Variants in RSBN1L observed in about 807,000 individuals in gnomAD.
RSBN1L encodes round spermatid basic protein 1 like.
In RSBN1L, 30 loss-of-function variants were observed where a neutral mutation model predicts 67.7. The ratio of observed to expected loss-of-function variants is 0.44; its 90% confidence interval spans 0.33 to 0.60. The LOEUF (loss-of-function observed/expected upper bound fraction) is 0.60. RSBN1L is among the 20% of genes least tolerant of loss of function. The pLI, the probability that RSBN1L is intolerant of heterozygous loss-of-function variation, is 0.02. For missense variants in RSBN1L, 992 were observed against 1,031.7 expected, an observed-to-expected ratio of 0.96 and a Z score of 0.53; for synonymous variants, 433 against 387.0, an observed-to-expected ratio of 1.12 and a Z score of -1.39.
In RSBN1L at chr7:77,749,438, C is replaced by G; in HGVS notation, c.718C>G (p.Pro240Ala). 1 of 1,551,158 alleles carries G rather than the reference C, an allele frequency of 6.4e-7. No individual in the cohort carries two copies. The highest frequency in any genetic ancestry group is 1.2e-5 in the South Asian group (1 of 80,764). Residue 240 changes from proline (P) to alanine (A), a missense_variant, in exon 3 of 8, where the codon CCA becomes GCA. Coordinates refer to ENST00000334955, the MANE Select transcript of RSBN1L (RefSeq NM_198467.3). ...KILLKSGKEKPKTNIEDLQIK... is the reference protein window; with the variant it reads ...KILLKSGKEKAKTNIEDLQIK... Reference sequence around the variant, plus strand: ...TTTTCCAACAGGTGGGAAGGAGAAACCAAAAACAAATATAGAAGACTTACA... The same window carrying G: ...TTTTCCAACAGGTGGGAAGGAGAAAGCAAAAACAAATATAGAAGACTTACA...
chr7:77,724,087 T>C (rs1173005260), intron 1 of RSBN1L, among the ~76,000 whole-genome samples: 1 of 152,180 alleles, frequency 6.6e-6, no homozygotes, highest in Non-Finnish European at 1.5e-5. Context: ...AGCTTATAAT[T>C]ATTTCTAATT....
Position 77,765,494 on chromosome 7 carries a change from G to T in RSBN1L, c.1345-1G>T. 6.5e-7 allele frequency: 1 copy of T among 1,539,010 alleles called. No individual in the cohort carries two copies. The highest frequency in any genetic ancestry group is 8.8e-7 in the Non-Finnish European group (1 of 1,139,046). ...TTTTAATTAAATCCATGTTTCTTCAGGTAAAAAGAACGTATTCTCATGGTA... is the reference window on the plus strand; with the variant it reads ...TTTTAATTAAATCCATGTTTCTTCATGTAAAAAGAACGTATTCTCATGGTA... On this transcript the variant is annotated splice_acceptor_variant, in intron 3 of 7. Transcript: ENST00000334955. LOFTEE classifies it high-confidence loss of function.
rs1791949334 is a variant in RSBN1L, at chr7:77,778,553, A to T, written c.1926A>T (p.Ala642=). ...LSQCVQWVDD[A]KLNQLRREGI... is the part of the protein sequence containing the mutation. ...AGTGTGTCCAATGGGTTGATGATGC[A>T]AAACTGAATCAACTGAGGAGGGAAG... is the stretch of plus-strand genomic sequence containing the variant. The change falls in exon 8 of 8, where the codon GCA becomes GCT. Residue 642 remains alanine (A), a synonymous_variant. Transcript: ENST00000334955. 1 of 1,612,826 alleles carries T rather than the reference A, an allele frequency of 6.2e-7. No individual in the cohort carries two copies. The highest frequency in any genetic ancestry group is 1.3e-5 in the African/African-American group (1 of 74,910).
At chr7:77,718,781 C>G (rs561067008) in intron 1 of RSBN1L, among the ~76,000 whole-genome samples, 1 of 152,288 alleles carries the variant, frequency 6.6e-6, no homozygotes, top group Non-Finnish European at 1.5e-5. Context: ...TTTATTATAT[C>G]AGATGATTTT....
chr7:77,765,721 T>C, intron 4 of RSBN1L, 89 bp downstream of exon 4: 1 of 993,068 alleles, frequency 1.0e-6, no homozygotes, highest in Non-Finnish European at 1.5e-6. Context: ...TGATTGTTTC[T>C]TTCATGCTAC....
At chr7:77,739,949 A>T (rs1446431764) in intron 2 of RSBN1L, among the ~76,000 whole-genome samples, 2 of 150,778 alleles carry the variant, frequency 1.3e-5, no homozygotes, top group Non-Finnish European at 3.0e-5. Flanking sequence ...ACAGGGTTTC[A>T]CCATGTTGCC....
At chr7:77,756,050 A>G (rs116255498) in intron 3 of RSBN1L, among the ~76,000 whole-genome samples, 3,046 of 152,328 alleles carry the variant, frequency 0.02, 86 homozygotes, top group African/African-American at 0.069. Flanking sequence ...GTCCAAAAGC[A>G]GTATTCAAAA....
chr7:77,745,487 A>G (rs6976144), intron 2 of RSBN1L, among the ~76,000 whole-genome samples: 88,554 of 152,158 alleles, frequency 0.58, 27,903 homozygotes, highest in African/African-American at 0.84. Context: ...ATTGACATAT[A>G]GTATACAGGT....
At chr7:77,729,787 C>CT (rs1791251594) in intron 1 of RSBN1L, among the ~76,000 whole-genome samples, 1 of 152,044 alleles carries the variant, frequency 6.6e-6, no homozygotes, top group Non-Finnish European at 1.5e-5. Context: ...GACCCTGTCT[C>CT]TACAGAAAAT....
chr7:77,721,843 T>C (rs1791124195), intron 1 of RSBN1L, among the ~76,000 whole-genome samples: 1 of 152,202 alleles, frequency 6.6e-6, no homozygotes, highest in African/African-American at 2.4e-5. Context: ...AAGCAGAAGA[T>C]AGTGACATGG....
chr7:77,748,005 G>C (rs940496931), intron 2 of RSBN1L, among the ~76,000 whole-genome samples: 1 of 151,816 alleles, frequency 6.6e-6, no homozygotes, highest in Non-Finnish European at 1.5e-5. Flanking sequence ...TTAAGGAGAG[G>C]AAATACCTTT....
At chr7:77,757,311 C>G (rs189215381) in intron 3 of RSBN1L, among the ~76,000 whole-genome samples, 4 of 152,280 alleles carry the variant, frequency 2.6e-5, no homozygotes, top group Admixed American at 2.6e-4. Flanking sequence ...TTGTATAATT[C>G]TGTTTTCCAT....
At chr7:77,767,020 C>T (rs1791774877) in intron 4 of RSBN1L, among the ~76,000 whole-genome samples, 1 of 146,834 alleles carries the variant, frequency 6.8e-6, no homozygotes, top group Non-Finnish European at 1.5e-5. Flanking sequence ...CTTTCCTTCC[C>T]CTTCCCCTTC....
intron 1 of RSBN1L, among the ~76,000 whole-genome samples, chr7:77,725,699 C>G (rs1490764623): frequency 6.6e-6 from 1 of 151,842 alleles, no homozygotes; most frequent in Non-Finnish European, 1.5e-5. Context: ...TCAAGCAGTT[C>G]TCCTGCCTCA....
chr7:77,777,961 T>C (rs1247994772), intron 6 of RSBN1L, among the ~76,000 whole-genome samples: 1 of 152,158 alleles, frequency 6.6e-6, no homozygotes, highest in Non-Finnish European at 1.5e-5. Context: ...CTTTTCCTCA[T>C]ATTTACTTCT....
intron 1 of RSBN1L, among the ~76,000 whole-genome samples, chr7:77,726,633 G>A (rs372586066): frequency 1.3e-5 from 2 of 151,876 alleles, no homozygotes; most frequent in African/African-American, 4.8e-5. Flanking sequence ...TTTTTGAGAC[G>A]GAACGTTGCT....
chr7:77,758,833 G>T (rs544128378), intron 3 of RSBN1L, among the ~76,000 whole-genome samples: 1 of 152,312 alleles, frequency 6.6e-6, no homozygotes, highest in East Asian at 1.9e-4. Flanking sequence ...TCTCTGTCAA[G>T]AAATAAATTA....
At chr7:77,752,879 T>C (rs1791571865) in intron 3 of RSBN1L, among the ~76,000 whole-genome samples, 1 of 152,202 alleles carries the variant, frequency 6.6e-6, no homozygotes, top group Non-Finnish European at 1.5e-5. Flanking sequence ...ATTTTGCTTC[T>C]TTTTGAACTT....
chr7:77,706,694 A>C (rs994034788), intron 1 of RSBN1L, among the ~76,000 whole-genome samples: 1 of 152,194 alleles, frequency 6.6e-6, no homozygotes. Context: ...ACCAGAGTAA[A>C]TACTGTAAGT....
Sources: gnomAD v4.1 joint callset for allele counts (sites outside exome capture counted in the v4.1 genomes callset) on GRCh38, gnomAD v4.1.1 for gene constraint, MANE v1.5 for transcripts, NCBI Gene and HGNC (gene_info 2026-07-23, HGNC 2026-07-21) for gene names.